FCHO2: variants seen among roughly 807,000 people sequenced by gnomAD.
FCHO2 encodes F-BAR domain only protein 2.
In FCHO2, 43 loss-of-function variants were observed where a neutral mutation model predicts 114.1. The observed-to-expected ratio is 0.38, with a 90% CI of 0.30 to 0.49. FCHO2 has a LOEUF of 0.49. Ranked by LOEUF, FCHO2 falls within the 20% of genes least tolerant of loss-of-function variation. The pLI is 0.97. For missense variants in FCHO2, 807 were observed against 950.4 expected, an observed-to-expected ratio of 0.85 and a Z score of 1.98; for synonymous variants, 293 against 315.2, an observed-to-expected ratio of 0.93 and a Z score of 0.75.
rs183132203 is a variant in FCHO2, at chr5:73,022,498, C to T, written c.796+5190C>T. On this transcript the variant is annotated intron_variant, in intron 8 of 25. Transcript: ENST00000430046. ...CAGTGTCATTTCCTAAGACACTGCT[C>T]AGCCAAAGGCTGACAAGTATGTGGC... 2.0e-5 allele frequency among the ~76,000 whole-genome samples: 3 copies of T among 152,250 alleles called. No individual in the cohort carries two copies. The East Asian group carries it at 5.8e-4, about 29-fold the overall frequency.
intron 22 of FCHO2, among the ~76,000 whole-genome samples, chr5:73,081,273 A>G (rs927560659): frequency 2.0e-5 from 3 of 152,238 alleles, no homozygotes; most frequent in Non-Finnish European, 4.4e-5. Context: ...AAGGAGCTTA[A>G]GAATTTGAAG....
intron 17 of FCHO2, among the ~76,000 whole-genome samples, chr5:73,059,538 A>G (rs1181874250): frequency 2.0e-5 from 3 of 151,052 alleles, no homozygotes; most frequent in South Asian, 2.1e-4. Flanking sequence ...CAAAAAAGCC[A>G]TGTTGAAATA....
At chr5:72,959,833 G>A (rs942922117) in intron 1 of FCHO2, among the ~76,000 whole-genome samples, 14 of 149,978 alleles carry the variant, frequency 9.3e-5, no homozygotes, top group African/African-American at 3.2e-4. Context: ...GGGCTGGCAC[G>A]CAGTGGCACG....
At chr5:73,017,007 T>A (rs893711265) in intron 7 of FCHO2, among the ~76,000 whole-genome samples, 1 of 152,174 alleles carries the variant, frequency 6.6e-6, no homozygotes, top group Non-Finnish European at 1.5e-5. Flanking sequence ...GGCGTGAGGC[T>A]ATGTGTTAAG....
chr5:73,074,781 A>G lies in FCHO2; in HGVS notation c.1619A>G (p.Gln540Arg). ...CCCAGCCCTGTCAGCCTTGGAAATC[A>G]GGATACCTTACCTGTGGCAGTTGCC... ...RGPSPVSLGN[Q>R]DTLPVAVALT... The change falls in exon 20 of 26, where the codon CAG (glutamine) becomes CGG (arginine). Residue 540 changes from glutamine to arginine, a missense_variant. Physicochemically the swap from Gln to Arg is conservative, Grantham distance 43. Coordinates refer to ENST00000430046, the MANE Select transcript of FCHO2 (RefSeq NM_138782.3). 2 of 1,613,106 alleles carry G rather than the reference A, an allele frequency of 1.2e-6. No homozygotes were observed. Among genetic ancestry groups the G allele is most frequent in the East Asian group, 2.2e-5 (1 of 44,850 alleles).
intron 22 of FCHO2, among the ~76,000 whole-genome samples, chr5:73,079,224 C>T (rs555253808): frequency 6.6e-6 from 1 of 152,124 alleles, no homozygotes; most frequent in Non-Finnish European, 1.5e-5. Context: ...CTTAGCCTCC[C>T]GAGTGACTGG....
chr5:73,051,526 GT>G (rs1757335674), intron 12 of FCHO2, 120 bp downstream of exon 12: 1 of 620,636 alleles, frequency 1.6e-6, no homozygotes, highest in African/African-American at 2.0e-5. Flanking sequence ...ATGGTTCCTT[GT>G]TTGTCATTTG....
intron 22 of FCHO2, among the ~76,000 whole-genome samples, chr5:73,078,943 A>G (rs1743003878): frequency 6.6e-6 from 1 of 152,198 alleles, no homozygotes; most frequent in Non-Finnish European, 1.5e-5. Flanking sequence ...TTGAATATGG[A>G]AAGATTCATG....
At chr5:73,015,450 A>G (rs1272485687) in intron 6 of FCHO2, among the ~76,000 whole-genome samples, 176 bp from the exon 7 acceptor site, 1 of 151,920 alleles carries the variant, frequency 6.6e-6, no homozygotes, top group East Asian at 1.9e-4. Flanking sequence ...TTTAGTAGAG[A>G]CAGGGTTTCA....
At chr5:73,044,009 C>T (rs950309863) in intron 11 of FCHO2, among the ~76,000 whole-genome samples, 4 of 152,064 alleles carry the variant, frequency 2.6e-5, no homozygotes, top group Non-Finnish European at 4.4e-5. Context: ...ATCTCCCCCT[C>T]GCTGTTCTCG....
chr5:73,036,974 A>T (rs953183578), intron 9 of FCHO2, among the ~76,000 whole-genome samples, 169 bp from the exon 10 acceptor site: 3 of 152,216 alleles, frequency 2.0e-5, no homozygotes, highest in African/African-American at 7.2e-5. Flanking sequence ...TTAACATAAG[A>T]AAAGTCTAAC....
Position 73,034,663 on chromosome 5 carries a change from T to A in FCHO2, c.803T>A (p.Ile268Asn), listed in dbSNP as rs778153777. Residue 268 changes from isoleucine (I) to asparagine (N), a missense_variant, in exon 9 of 26, where the codon ATT becomes AAT. Coordinates refer to ENST00000430046, the MANE Select transcript of FCHO2 (RefSeq NM_138782.3). Reference protein sequence around the residue: ...KGTGKERPGLIEFEECDTASA... With the variant: ...KGTGKERPGLNEFEECDTASA... ...TCAATTTCTTTTTTTCCAGGCCTCATTGAATTTGAAGAATGTGACACTGCT... is the reference window on the plus strand; with the variant it reads ...TCAATTTCTTTTTTTCCAGGCCTCAATGAATTTGAAGAATGTGACACTGCT... 1 of 1,597,446 alleles carries A rather than the reference T, an allele frequency of 6.3e-7. No homozygotes were observed. Among genetic ancestry groups the A allele is most frequent in the Middle Eastern group, 1.7e-4 (1 of 5,988 alleles).
At chr5:72,963,902 G>GTTTTTTTTTTTTTTTTTTTTTTTTTTTT (rs70973214) in intron 1 of FCHO2, among the ~76,000 whole-genome samples, 1 of 95,694 alleles carries the variant, frequency 1.0e-5, no homozygotes, top group Non-Finnish European at 1.9e-5. Flanking sequence ...GGAACTTTCA[G>GTTTTTTTTTTTTTTTTTTTTTTTTTTTT]TTTTTTTTTT....
chr5:73,005,031 A>C (rs1457470002), intron 5 of FCHO2, among the ~76,000 whole-genome samples: 2 of 152,168 alleles, frequency 1.3e-5, no homozygotes, highest in East Asian at 3.8e-4. Flanking sequence ...CCAGAATTTC[A>C]GTTGAATTTC....
intron 2 of FCHO2, among the ~76,000 whole-genome samples, chr5:72,968,831 A>G (rs1190236542): frequency 6.6e-6 from 1 of 152,160 alleles, no homozygotes; most frequent in Non-Finnish European, 1.5e-5. Context: ...AATATTATCT[A>G]CATATTTTTC....
chr5:73,054,697 A>ATACGCTGTTTTCTATTT, intron 15 of FCHO2, 148 bp downstream of exon 15: 1 of 572,398 alleles, frequency 1.7e-6, no homozygotes, highest in Non-Finnish European at 3.0e-6. Context: ...TTTTAAATAG[A>ATACGCTGTTTTCTATTT]AAACAGCGTA....
chr5:72,958,542 A>G (rs1459515718), intron 1 of FCHO2, among the ~76,000 whole-genome samples: 2 of 152,206 alleles, frequency 1.3e-5, no homozygotes, highest in African/African-American at 2.4e-5. Flanking sequence ...GTCTTCCCTT[A>G]CGACAGCCAG....
At chr5:73,042,315 G>T (rs1284421939) in intron 11 of FCHO2, among the ~76,000 whole-genome samples, 1 of 152,068 alleles carries the variant, frequency 6.6e-6, no homozygotes, top group Admixed American at 6.6e-5. Context: ...AAAAGCAGCA[G>T]ATGTGTTTGG....
At chr5:72,972,656 A>G (rs887638997) in intron 2 of FCHO2, among the ~76,000 whole-genome samples, 8 of 152,206 alleles carry the variant, frequency 5.3e-5, no homozygotes, top group African/African-American at 1.9e-4. Flanking sequence ...AACAAGGACA[A>G]TTTGACTTCC....
Sources: allele counts gnomAD v4.1 joint callset (sites outside exome capture counted in the v4.1 genomes callset), GRCh38; gene constraint gnomAD v4.1.1; transcripts MANE v1.5; gene names NCBI Gene and HGNC (gene_info 2026-07-23, HGNC 2026-07-21).